The following MCOLN3 variants were observed in gnomAD, a reference collection of about 807,000 sequenced individuals.
The protein encoded by MCOLN3 is mucolipin TRP cation channel 3, also known as mucolipin-3.
In MCOLN3, 62 loss-of-function variants were observed where a neutral mutation model predicts 69.4. That is an observed-to-expected ratio of 0.89 (90% confidence interval 0.73 to 1.10). The LOEUF (loss-of-function observed/expected upper bound fraction) is 1.10. MCOLN3 is among the 50% of genes least tolerant of loss of function. The pLI, the probability that MCOLN3 is intolerant of heterozygous loss-of-function variation, is 0.00. For missense variants in MCOLN3, 564 were observed against 656.4 expected (o/e 0.86, Z 1.54); for synonymous variants, 183 against 217.0 (o/e 0.84, Z 1.38).
At chr1:85,046,386 C>T (rs11800303) in intron 1 of MCOLN3, among the ~76,000 whole-genome samples, 7,613 of 152,030 alleles carry the variant, frequency 0.05, 221 homozygotes, top group African/African-American at 0.076. Context: ...TTCAAAGTGA[C>T]GGAGAAGTCA....
chr1:85,032,987 A>G, intron 4 of MCOLN3, 31 bp from the exon 5 acceptor site: 2 of 1,582,418 alleles, frequency 1.3e-6, no homozygotes, highest in South Asian at 1.1e-5. Context: ...AACATGATAC[A>G]GTACTTAAAT....
At chr1:85,031,864 A>T (rs1181130376) in intron 6 of MCOLN3, among the ~76,000 whole-genome samples, 2 of 152,136 alleles carry the variant, frequency 1.3e-5, no homozygotes, top group Non-Finnish European at 2.9e-5. Context: ...CGAAGTCAGA[A>T]GATCGAGACC....
At chr1:85,046,263 G>T (rs985418370) in intron 1 of MCOLN3, among the ~76,000 whole-genome samples, 1 of 150,576 alleles carries the variant, frequency 6.6e-6, no homozygotes, top group Non-Finnish European at 1.5e-5. Context: ...TTTATTGAAG[G>T]CCTTATATTT....
rs1652692822 is a variant in MCOLN3, at chr1:85,034,234, A to G, written c.414T>C (p.Asn138=). 3.7e-6 allele frequency: 6 copies of G among 1,614,148 alleles called. No individual in the cohort carries two copies. Among genetic ancestry groups the G allele is most frequent in the Non-Finnish European group, 5.1e-6 (6 of 1,180,004 alleles). The change falls in exon 4 of 13, where the codon AAT becomes AAC. Residue 138 remains asparagine (N), a synonymous_variant. Coordinates refer to ENST00000370589, the MANE Select transcript of MCOLN3 (RefSeq NM_018298.11). ...FAVNQYLQLY[N]VSVGNHAYEN... is the part of the protein sequence containing the mutation. ...CATAAGCATGATTCCCAACGGAGAC[A>G]TTGTATAGCTGCAAGTACTTCAACC...
intron 3 of MCOLN3, 37 bp downstream of exon 3, chr1:85,040,973 C>T: frequency 6.2e-7 from 1 of 1,601,918 alleles, no homozygotes; most frequent in Non-Finnish European, 8.5e-7. Context: ...CCAGTCTGTT[C>T]TTTTTCCCAA....
chr1:85,033,464 GA>G (rs548136720), intron 4 of MCOLN3, among the ~76,000 whole-genome samples: 3 of 150,676 alleles, frequency 2.0e-5, no homozygotes, highest in Admixed American at 6.6e-5. Flanking sequence ...ATTATCTCTA[GA>G]AAAAAAAATC....
At chr1:85,020,086 G>A (rs1467249937) in intron 12 of MCOLN3, among the ~76,000 whole-genome samples, 6 of 152,228 alleles carry the variant, frequency 3.9e-5, no homozygotes, top group African/African-American at 1.2e-4. Context: ...TTCTCTGCAT[G>A]CAGAGTTGGA....
chr1:85,019,360 A>T lies in MCOLN3; in HGVS notation c.1528-103T>A, dbSNP rs963181225. 18 of 1,142,448 alleles carry T rather than the reference A, an allele frequency of 1.6e-5. No homozygotes were observed. In the African/African-American group the frequency reaches 2.8e-4, roughly 18 times the overall value. 70.8% of individuals were successfully genotyped at this position (1,142,448 alleles called of 1,614,324 possible). A position where few individuals can be genotyped will look rare whatever the true frequency, so the allele number is the denominator to read the frequency against. The stretch of plus-strand genomic sequence containing the variant: ...TTTGGCAAGGGAGGGGGTTTTCTAG[A>T]GAGATAGTATCGTTACTCCTGAGTA... On this transcript the variant is annotated intron_variant, in intron 12 of 12. Transcript: ENST00000370589.
chr1:85,024,140 T>C (rs1652098185), intron 9 of MCOLN3, among the ~76,000 whole-genome samples: 1 of 150,930 alleles, frequency 6.6e-6, no homozygotes, highest in East Asian at 1.9e-4. Context: ...GCCTGGGCAA[T>C]AGAGTGAAAT....
intron 3 of MCOLN3, among the ~76,000 whole-genome samples, chr1:85,039,809 A>G (rs1652974207): frequency 6.6e-6 from 1 of 152,064 alleles, no homozygotes; most frequent in Non-Finnish European, 1.5e-5. Flanking sequence ...TAATTAGCCA[A>G]GCATGGTGGT....
chr1:85,032,956 T>G lies in MCOLN3; in HGVS notation c.551A>C (p.Glu184Ala), dbSNP rs771796866. The stretch of plus-strand genomic sequence containing the variant: ...TTCATCTGGCTCCACAAAGAAACAC[T>G]CTGCCATAGAAAGGAACAAAAACAT... ...TFDIDPEIET[E>A]CFFVEPDEPF... is the part of the protein sequence containing the mutation. The change falls in exon 5 of 13, where the codon GAG becomes GCG. Residue 184 changes from glutamate to alanine, a missense_variant and splice_region_variant. By Grantham distance (107) the Glu-to-Ala change is moderately radical. Coordinates refer to ENST00000370589, the MANE Select transcript of MCOLN3 (RefSeq NM_018298.11). 6.2e-7 allele frequency: 1 copy of G among 1,613,812 alleles called. No individual in the cohort carries two copies. Among genetic ancestry groups the G allele is most frequent in the Admixed American group, 1.7e-5 (1 of 60,034 alleles).
chr1:85,029,209 T>A lies in MCOLN3; in HGVS notation c.733-4A>T. The A allele has an allele frequency of 2.6e-6, 4 of 1,550,184 alleles. No individual in the cohort carries two copies. The highest frequency in any genetic ancestry group is 3.6e-6 in the Non-Finnish European group (4 of 1,122,354). ...GGGCCTTGTTGTCAAATGTTATCTG[T>A]GAAGACAGGAAAACAGTCAAAAACA... is the stretch of plus-strand genomic sequence containing the variant. On this transcript the variant is annotated splice_region_variant and splice_polypyrimidine_tract_variant and intron_variant, in intron 6 of 12. Coordinates refer to ENST00000370589, the MANE Select transcript of MCOLN3 (RefSeq NM_018298.11).
At position 85,026,264 on chromosome 1, in the gene MCOLN3, T is replaced by C. The variant is rs1360786791; in HGVS notation, c.853A>G (p.Met285Val). 5.0e-6 allele frequency: 8 copies of C among 1,613,462 alleles called. No homozygotes were observed. Among genetic ancestry groups the C allele is most frequent in the Admixed American group, 1.7e-5 (1 of 60,022 alleles). Residue 285 changes from methionine (M) to valine (V), a missense_variant, in exon 8 of 13, where the codon ATG becomes GTG. Physicochemically the swap from Met to Val is conservative, Grantham distance 21. Coordinates refer to ENST00000370589, the MANE Select transcript of MCOLN3 (RefSeq NM_018298.11). ...SGSIQKNTHY[M>V]MIFDAFVILT... ...ATGACAAAGGCATCAAAGATCATCA[T>C]GTAATGAGTGTTCTTCTGAACTGAA...
chr1:85,046,324 C>T (rs929386132), intron 1 of MCOLN3, among the ~76,000 whole-genome samples: 5 of 151,028 alleles, frequency 3.3e-5, no homozygotes, highest in Non-Finnish European at 7.4e-5. Flanking sequence ...GGGGCAGGTA[C>T]GTTTGAAAAG....
chr1:85,040,165 T>G (rs1652991168), intron 3 of MCOLN3, among the ~76,000 whole-genome samples: 1 of 152,182 alleles, frequency 6.6e-6, no homozygotes, highest in Admixed American at 6.5e-5. Flanking sequence ...GTAACTTATT[T>G]CTATTACTTT....
At chr1:85,022,988 G>A (rs752003236) in intron 9 of MCOLN3, 4 of 152,264 alleles carry the variant, frequency 2.6e-5, no homozygotes, top group Non-Finnish European at 5.9e-5. Flanking sequence ...TGTTGGAGGA[G>A]TGAGGATGCT....
At chr1:85,025,745 G>A in intron 9 of MCOLN3, 194 bp downstream of exon 9, 2 of 560,984 alleles carry the variant, frequency 3.6e-6, no homozygotes, top group Non-Finnish European at 6.3e-6. Context: ...ATGGTTTGTG[G>A]ATCACACTTT....
At chr1:85,032,529 GTTA>G (rs1339939822) in intron 6 of MCOLN3, among the ~76,000 whole-genome samples, 164 bp downstream of exon 6, 1 of 152,128 alleles carries the variant, frequency 6.6e-6, no homozygotes, top group Non-Finnish European at 1.5e-5. Context: ...AAGTAAACTT[GTTA>G]TTATAGCAAA....
At chr1:85,021,547 G>A (rs1313051961) in intron 11 of MCOLN3, among the ~76,000 whole-genome samples, 3 of 152,172 alleles carry the variant, frequency 2.0e-5, no homozygotes, top group Non-Finnish European at 4.4e-5. Flanking sequence ...TTTGAATCAA[G>A]CCTTGCATCT....
Sources: gnomAD v4.1 joint callset for allele counts (sites outside exome capture counted in the v4.1 genomes callset) on GRCh38, gnomAD v4.1.1 for gene constraint, MANE v1.5 for transcripts, NCBI Gene and HGNC (gene_info 2026-07-23, HGNC 2026-07-21) for gene names.